Variants in DAB2IP observed in about 807,000 individuals in gnomAD.
The protein encoded by DAB2IP is disabled homolog 2-interacting protein.
In DAB2IP, 28 loss-of-function variants were observed where a neutral mutation model predicts 107.2. The ratio of observed to expected loss-of-function variants is 0.26; its 90% CI spans 0.19 to 0.36. DAB2IP has a LOEUF of 0.36. Among genes scored for constraint, DAB2IP ranks in the 10% least tolerant of loss-of-function variants. The pLI is 1.00. For missense variants in DAB2IP, 1,400 were observed against 1,644.7 expected (o/e 0.85, Z 2.57); for synonymous variants, 755 against 706.4 (o/e 1.07, Z -1.09).
In DAB2IP at chr9:121,599,580, C is replaced by T. The variant is rs1830622260; in HGVS notation, c.40+32352C>T. Among the ~76,000 whole-genome samples the T allele has an allele frequency of 6.6e-6, 1 of 151,968 alleles. No homozygotes were observed. Among genetic ancestry groups the T allele is most frequent in the Non-Finnish European group, 1.5e-5 (1 of 67,940 alleles). On this transcript the variant is annotated intron_variant, in intron 1 of 16. Transcript: ENST00000259371. This position sits in a 1 kb window ranked among gnomAD's most constrained non-coding sequence, Gnocchi z 6.9. The stretch of plus-strand genomic sequence containing the variant: ...GGGAGGCGCGGAGCCGGCCGTAGCG[C>T]GCTCCTGCCTGGCCAGCCGCCTACT...
At chr9:121,604,144 G>A (rs1469907180) in intron 1 of DAB2IP, among the ~76,000 whole-genome samples, 1 of 152,186 alleles carries the variant, frequency 6.6e-6, no homozygotes, top group Non-Finnish European at 1.5e-5. Context: ...GGGGGCACTA[G>A]GGCCAACCCC....
chr9:121,693,287 T>C (rs1829252497), intron 2 of DAB2IP, among the ~76,000 whole-genome samples: 1 of 152,090 alleles, frequency 6.6e-6, no homozygotes, highest in Non-Finnish European at 1.5e-5. Context: ...TGACTCTCAC[T>C]CTGTGACTCT....
chr9:121,644,465 C>G (rs994003531), intron 1 of DAB2IP, among the ~76,000 whole-genome samples: 59 of 152,014 alleles, frequency 3.9e-4, no homozygotes, highest in African/African-American at 1.4e-3. Context: ...GGCGTGGTGA[C>G]ACACGCCTGT....
intron 6 of DAB2IP, 123 bp from the exon 7 acceptor site, chr9:121,763,382 C>A: frequency 7.4e-7 from 1 of 1,359,474 alleles, no homozygotes; most frequent in Non-Finnish European, 9.9e-7. Flanking sequence ...TCTCCGGGAC[C>A]CCCGCAGCTT....
At chr9:121,584,959 C>G (rs990654549) in intron 1 of DAB2IP, among the ~76,000 whole-genome samples, 2 of 152,114 alleles carry the variant, frequency 1.3e-5, no homozygotes, top group Non-Finnish European at 2.9e-5. Context: ...AGTAGCTATT[C>G]ACAGGCACGA....
At chr9:121,591,522 C>G (rs2118929391) in intron 1 of DAB2IP, among the ~76,000 whole-genome samples, 1 of 152,212 alleles carries the variant, frequency 6.6e-6, no homozygotes, top group South Asian at 2.1e-4. Flanking sequence ...CCTGACCACC[C>G]AGGATCTTGG....
intron 3 of DAB2IP, among the ~76,000 whole-genome samples, chr9:121,752,712 C>T (rs76123028): frequency 6.6e-6 from 1 of 152,198 alleles, no homozygotes; most frequent in East Asian, 1.9e-4. Flanking sequence ...CAGCCAGTGG[C>T]TCAGAGTGCC....
At position 121,585,631 on chromosome 9, in the gene DAB2IP, CAG is replaced by C. The variant is rs1331664952; in HGVS notation, c.40+18405_40+18406del. The stretch of plus-strand genomic sequence containing the variant: ...CAGCACTTTGGGAGGCCAAGGCAGA[CAG>C]ATCGCTTTGAGCTCAGGAGTTCGAG... On this transcript the variant is annotated intron_variant, in intron 1 of 16. Transcript: ENST00000259371. Among the ~76,000 whole-genome samples the C allele has an allele frequency of 3.3e-5, 5 of 152,130 alleles. 1 individual carries two copies. Among genetic ancestry groups the C allele is most frequent in the Non-Finnish European group, 7.3e-5 (5 of 68,038 alleles).
chr9:121,649,754 C>T (rs1832674815), upstream of DAB2IP, among the ~76,000 whole-genome samples: 1 of 152,194 alleles, frequency 6.6e-6, no homozygotes, highest in South Asian at 2.1e-4. Context: ...GCAGTTTGGC[C>T]AGAGGAGGAT....
chr9:121,656,200 GT>G (rs1564137591), intron 1 of DAB2IP, among the ~76,000 whole-genome samples: 1 of 152,058 alleles, frequency 6.6e-6, no homozygotes, highest in African/African-American at 2.4e-5. Context: ...TAGAGACGGG[GT>G]TTCTCCATGT....
At chr9:121,694,139 G>GCCTA (rs1829299406) in intron 2 of DAB2IP, among the ~76,000 whole-genome samples, 1 of 152,168 alleles carries the variant, frequency 6.6e-6, no homozygotes, top group Non-Finnish European at 1.5e-5. Context: ...GGTCCTTGAG[G>GCCTA]CCTAGTACAG....
At chr9:121,773,319 C>T in exon 12 of DAB2IP, 1 of 1,529,290 alleles carries the variant, frequency 6.5e-7, no homozygotes, top group Non-Finnish European at 8.8e-7. Flanking sequence ...ACCTCCTGCC[C>T]CCCGCGGCCG....
chr9:121,567,992 C>T (rs1279183307), intron 1 of DAB2IP, among the ~76,000 whole-genome samples: 1 of 151,974 alleles, frequency 6.6e-6, no homozygotes, highest in African/African-American at 2.4e-5. Context: ...GGCCGAGGCA[C>T]CGAGGCTGGG....
At position 121,698,427 on chromosome 9, in the gene DAB2IP, G is replaced by C. The variant is rs1171845167; in HGVS notation, c.229-898G>C. ...CTCTGCCATTAGACCAGGAGCTCTT[G>C]GGATGGGGGAGGTGGGGGATTAAGC... On this transcript the variant is annotated intron_variant, in intron 2 of 15. Coordinates refer to ENST00000408936, the Ensembl canonical transcript of DAB2IP. This position sits in a 1 kb window ranked among gnomAD's most constrained non-coding sequence, Gnocchi z 4.1. Among the ~76,000 whole-genome samples the C allele has an allele frequency of 6.6e-6, 1 of 152,246 alleles. No individual in the cohort carries two copies. Among genetic ancestry groups the C allele is most frequent in the African/African-American group, 2.4e-5 (1 of 41,468 alleles).
At chr9:121,770,214 G>T (rs1355701399) in intron 10 of DAB2IP, among the ~76,000 whole-genome samples, 1 of 152,244 alleles carries the variant, frequency 6.6e-6, no homozygotes, top group Non-Finnish European at 1.5e-5. Context: ...GAGAGGTGGA[G>T]GTGTGGAAAT....
intron 2 of DAB2IP, among the ~76,000 whole-genome samples, chr9:121,686,356 C>T (rs117745445): frequency 2.3e-4 from 35 of 152,336 alleles, no homozygotes; most frequent in Non-Finnish European, 1.0e-4. Context: ...ACCCCCTCCT[C>T]TTCCTGCCCT....
At chr9:121,641,205 A>G (rs973351572) in intron 1 of DAB2IP, among the ~76,000 whole-genome samples, 1 of 152,212 alleles carries the variant, frequency 6.6e-6, no homozygotes, top group African/African-American at 2.4e-5. Flanking sequence ...TTTTCCTGGT[A>G]GAATTTCCAG....
intron 1 of DAB2IP, among the ~76,000 whole-genome samples, chr9:121,668,297 G>A (rs1171465423): frequency 6.6e-6 from 1 of 150,546 alleles, no homozygotes; most frequent in Non-Finnish European, 1.5e-5. Flanking sequence ...GGTTCAAGTG[G>A]CACGATCTCC....
intron 14 of DAB2IP, among the ~76,000 whole-genome samples, chr9:121,779,006 C>T (rs1462487896): frequency 6.6e-6 from 1 of 152,138 alleles, no homozygotes; most frequent in Non-Finnish European, 1.5e-5. Flanking sequence ...CTCTGGGATT[C>T]CTAGCACACG....
Sources: gnomAD v4.1 joint callset for allele counts (sites outside exome capture counted in the v4.1 genomes callset) on GRCh38, gnomAD v4.1.1 for gene constraint, Gnocchi (gnomAD v3.1) non-coding constraint, MANE v1.5 for transcripts, NCBI Gene and HGNC (gene_info 2026-07-23, HGNC 2026-07-21) for gene names.